LRRC1: variants seen among roughly 807,000 people sequenced by gnomAD.
LRRC1 encodes the protein leucine rich repeat containing 1.
In LRRC1, 28 loss-of-function variants were observed where a neutral mutation model predicts 69.9. The observed-to-expected ratio is 0.40, with a 90% CI of 0.30 to 0.55. LRRC1 has a LOEUF of 0.55. Ranked by LOEUF, LRRC1 falls within the 20% of genes least tolerant of loss-of-function variation. The probability of loss-of-function intolerance (pLI) is 0.47; values close to 1 mark genes in which losing one functional copy is unlikely to be tolerated. For synonymous variants in LRRC1, 236 were observed against 240.2 expected (o/e 0.98, Z 0.16); for missense variants, 498 against 609.0 (o/e 0.82, Z 1.92).
chr6:53,840,099 C>G (rs1421170605), intron 1 of LRRC1, among the ~76,000 whole-genome samples: 2 of 152,134 alleles, frequency 1.3e-5, no homozygotes, highest in African/African-American at 4.8e-5. Context: ...TGTTGATTCT[C>G]TGTTTCCTGG....
intron 4 of LRRC1, chr6:53,883,929 C>G (rs1767383280): frequency 2.8e-6 from 2 of 717,782 alleles, no homozygotes; most frequent in African/African-American, 3.5e-5. Flanking sequence ...CAGCTTTTCC[C>G]TTTCCTTTCT....
chr6:53,882,625 T>C (rs1767333887), intron 3 of LRRC1, among the ~76,000 whole-genome samples: 1 of 152,218 alleles, frequency 6.6e-6, no homozygotes, highest in African/African-American at 2.4e-5. Flanking sequence ...AGAGCTTGCA[T>C]ATCTTTCTAC....
At chr6:53,869,307 G>A (rs1480245685) in intron 2 of LRRC1, among the ~76,000 whole-genome samples, 2 of 152,086 alleles carry the variant, frequency 1.3e-5, no homozygotes, top group African/African-American at 4.8e-5. Flanking sequence ...GGGGATGGTG[G>A]GGTCTGGGGG....
chr6:53,831,345 C>A lies in LRRC1; in HGVS notation c.160-10765C>A, dbSNP rs4618525. On this transcript the variant is annotated intron_variant, in intron 1 of 13. Transcript: ENST00000370888. ...CTGTGGGATTTCAGTATGTATGCAT[C>A]TGATATTTGGGTTATTTGTTCTCTT... Among the ~76,000 whole-genome samples, 445 of 152,008 alleles carry A rather than the reference C, an allele frequency of 2.9e-3. 4 individuals carry two copies. The highest frequency in any genetic ancestry group is 4.7e-3 in the Non-Finnish European group (316 of 67,946).
At chr6:53,890,090 A>T (rs1767625991) in intron 4 of LRRC1, among the ~76,000 whole-genome samples, 1 of 152,172 alleles carries the variant, frequency 6.6e-6, no homozygotes, top group Non-Finnish European at 1.5e-5. Context: ...TGGGAAGCCT[A>T]TGATTGTGTC....
rs141762727 is a variant in LRRC1 at position 53,909,595 on chromosome 6, C to CT, written c.991-4253dup. ...TTATTTTTCTAATCAATGTAAGGTA[C>CT]TTTTTTATAATCAGAAAAAAAAAAA... On this transcript the variant is annotated intron_variant, in intron 10 of 13. Coordinates refer to ENST00000370888, the MANE Select transcript of LRRC1 (RefSeq NM_018214.5). Among the ~76,000 whole-genome samples, 1,134 of 149,464 alleles carry CT rather than the reference C, an allele frequency of 7.6e-3. 12 individuals carry two copies. Among genetic ancestry groups the CT allele is most frequent in the African/African-American group, 0.025 (1,027 of 40,566 alleles).
At chr6:53,855,554 G>A (rs533516294) in intron 2 of LRRC1, among the ~76,000 whole-genome samples, 1 of 152,278 alleles carries the variant, frequency 6.6e-6, no homozygotes, top group African/African-American at 2.4e-5. Flanking sequence ...TCGGGGACCT[G>A]AGGGAGTCTT....
At chr6:53,893,070 G>A (rs1394172288) in intron 4 of LRRC1, among the ~76,000 whole-genome samples, 3 of 152,128 alleles carry the variant, frequency 2.0e-5, no homozygotes, top group Non-Finnish European at 2.9e-5. Context: ...GATGACATCC[G>A]TGATTAGCAG....
chr6:53,869,750 A>T (rs1490644663), intron 2 of LRRC1, among the ~76,000 whole-genome samples: 2 of 152,132 alleles, frequency 1.3e-5, no homozygotes, highest in African/African-American at 4.8e-5. Flanking sequence ...CAAACAATTA[A>T]TTAATTAAAA....
rs113765170 is a variant in LRRC1, at chr6:53,875,062, C to T, written c.278-3931C>T. Among the ~76,000 whole-genome samples, 329 of 152,244 alleles carry T rather than the reference C, an allele frequency of 2.2e-3. 2 individuals carry two copies. Among genetic ancestry groups the T allele is most frequent in the Non-Finnish European group, 3.0e-3 (203 of 68,010 alleles). ...AAAAGAGGAGGAGAGATGTTGAATACGGCATCTTGTACAGGCTGATGAAAG... is the reference window on the plus strand; with the variant it reads ...AAAAGAGGAGGAGAGATGTTGAATATGGCATCTTGTACAGGCTGATGAAAG... On this transcript the variant is annotated intron_variant, in intron 2 of 13. Coordinates refer to ENST00000370888, the MANE Select transcript of LRRC1 (RefSeq NM_018214.5).
At chr6:53,842,516 A>G (rs1320624652) in intron 2 of LRRC1, among the ~76,000 whole-genome samples, 2 of 152,242 alleles carry the variant, frequency 1.3e-5, no homozygotes, top group African/African-American at 2.4e-5. Context: ...AAAAAATTTC[A>G]TAACACAAGT....
At chr6:53,811,809 G>T (rs932585444) in intron 1 of LRRC1, among the ~76,000 whole-genome samples, 1 of 152,208 alleles carries the variant, frequency 6.6e-6, no homozygotes, top group African/African-American at 2.4e-5. Context: ...GACTACAAAG[G>T]CGCAGGCTTT....
At chr6:53,914,053 C>T in intron 11 of LRRC1, 84 bp downstream of exon 11, 1 of 924,394 alleles carries the variant, frequency 1.1e-6, no homozygotes, top group Non-Finnish European at 1.7e-6. Context: ...AAATTTTTGT[C>T]TTTGCTTTAT....
chr6:53,903,007 G>A (rs952194644), intron 9 of LRRC1, among the ~76,000 whole-genome samples: 11 of 152,190 alleles, frequency 7.2e-5, no homozygotes, highest in African/African-American at 2.7e-4. Flanking sequence ...TCTCCAGTGA[G>A]GTGTGGGGAT....
chr6:53,853,280 A>T, intron 2 of LRRC1, among the ~76,000 whole-genome samples: 1 of 125,406 alleles, frequency 8.0e-6, no homozygotes, highest in African/African-American at 3.5e-5. Context: ...CAGGTGGTTC[A>T]TATTTTTTTT....
intron 7 of LRRC1, 95 bp from the exon 8 acceptor site, chr6:53,899,652 G>T (rs560334906): frequency 1.6e-6 from 2 of 1,243,508 alleles, no homozygotes; most frequent in Admixed American, 2.1e-5. Flanking sequence ...CCTTAGGACC[G>T]CCCTGGGATT....
At chr6:53,798,305 C>G (rs891780962) in intron 1 of LRRC1, among the ~76,000 whole-genome samples, 4 of 152,254 alleles carry the variant, frequency 2.6e-5, no homozygotes, top group African/African-American at 9.6e-5. Context: ...CTTTTTGGCT[C>G]TGTGCTAACA....
chr6:53,891,121 A>AT (rs1767665542), intron 4 of LRRC1, among the ~76,000 whole-genome samples: 1 of 152,200 alleles, frequency 6.6e-6, no homozygotes. Flanking sequence ...AGTGTAAAAC[A>AT]TTAAGAATTA....
intron 2 of LRRC1, among the ~76,000 whole-genome samples, chr6:53,863,374 G>A (rs1262083630): frequency 6.6e-6 from 1 of 152,096 alleles, no homozygotes; most frequent in Non-Finnish European, 1.5e-5. Context: ...TGCCTCTTCT[G>A]TGGATGAGTG....
Sources: allele counts gnomAD v4.1 joint callset (sites outside exome capture counted in the v4.1 genomes callset), GRCh38; gene constraint gnomAD v4.1.1; transcripts MANE v1.5; gene names NCBI Gene and HGNC (gene_info 2026-07-23, HGNC 2026-07-21).